Variants in CACNA2D3 observed in about 807,000 individuals in gnomAD.
The protein encoded by CACNA2D3 is calcium voltage-gated channel auxiliary subunit alpha2delta 3.
In CACNA2D3, 60 loss-of-function variants were observed where a neutral mutation model predicts 160.6. The ratio of observed to expected loss-of-function variants is 0.37; its 90% CI spans 0.30 to 0.46. The LOEUF (loss-of-function observed/expected upper bound fraction) is 0.46. CACNA2D3 is among the 20% of genes least tolerant of loss of function. The pLI is 1.00. For missense variants in CACNA2D3, 1,205 were observed against 1,365.0 expected (o/e 0.88, Z 1.85); for synonymous variants, 558 against 492.9 (o/e 1.13, Z -1.75).
intron 4 of CACNA2D3, among the ~76,000 whole-genome samples, chr3:54,459,000 C>T (rs1020525869): frequency 1.3e-5 from 2 of 152,128 alleles, no homozygotes; most frequent in East Asian, 1.9e-4. Flanking sequence ...TCAATTCCCA[C>T]CTATGAGTGA....
chr3:55,028,304 T>C (rs989923004), intron 35 of CACNA2D3, among the ~76,000 whole-genome samples: 1 of 152,074 alleles, frequency 6.6e-6, no homozygotes, highest in Non-Finnish European at 1.5e-5. Flanking sequence ...AAATATAGGG[T>C]TTATTAAGAA....
At chr3:54,788,461 C>A (rs1044311011) in intron 13 of CACNA2D3, among the ~76,000 whole-genome samples, 5 of 152,166 alleles carry the variant, frequency 3.3e-5, no homozygotes, top group South Asian at 2.1e-4. Context: ...TTACCTTCCT[C>A]TTAGTATCCA....
At chr3:54,428,104 C>A (rs1227679293) in intron 4 of CACNA2D3, among the ~76,000 whole-genome samples, 2 of 152,170 alleles carry the variant, frequency 1.3e-5, no homozygotes, top group Non-Finnish European at 2.9e-5. Context: ...ATAGCATTGG[C>A]CATAGTCACG....
intron 13 of CACNA2D3, among the ~76,000 whole-genome samples, chr3:54,806,882 C>G (rs1448663886): frequency 6.6e-6 from 1 of 152,050 alleles, no homozygotes; most frequent in Admixed American, 6.6e-5. Context: ...CAGAACAGAG[C>G]CCTCAGAAAT....
At chr3:54,469,956 T>G (rs1441537627) in intron 4 of CACNA2D3, among the ~76,000 whole-genome samples, 3 of 152,214 alleles carry the variant, frequency 2.0e-5, no homozygotes, top group African/African-American at 7.2e-5. Flanking sequence ...TACTTTTGAC[T>G]GATGTACCTG....
intron 11 of CACNA2D3, among the ~76,000 whole-genome samples, chr3:54,728,656 T>G (rs1014195287): frequency 1.3e-5 from 2 of 152,228 alleles, no homozygotes. Flanking sequence ...TGTTCTTATC[T>G]TCCTCTTAGA....
intron 11 of CACNA2D3, among the ~76,000 whole-genome samples, chr3:54,739,183 GC>G (rs1701590646): frequency 6.6e-6 from 1 of 151,834 alleles, no homozygotes; most frequent in Admixed American, 6.6e-5. Context: ...ACTTGGGGAG[GC>G]CGAGGTGAGT....
intron 14 of CACNA2D3, among the ~76,000 whole-genome samples, chr3:54,822,765 T>TC (rs1491262520): frequency 1.1e-5 from 1 of 87,780 alleles, no homozygotes; most frequent in African/African-American, 4.7e-5. Context: ...TTTCTTTCTT[T>TC]CTTTCTTTCT....
At chr3:54,541,137 C>T (rs557899245) in intron 5 of CACNA2D3, among the ~76,000 whole-genome samples, 23 of 151,672 alleles carry the variant, frequency 1.5e-4, no homozygotes, top group Admixed American at 5.2e-4. Flanking sequence ...ATTAGCCGGG[C>T]GTGGTGGCGG....
chr3:54,963,598 G>A (rs1702081411), intron 27 of CACNA2D3, among the ~76,000 whole-genome samples: 1 of 152,192 alleles, frequency 6.6e-6, no homozygotes, highest in Non-Finnish European at 1.5e-5. Context: ...TTCAAGGTCA[G>A]CTGCCTGTCC....
chr3:54,605,329 C>A (rs1427775), intron 9 of CACNA2D3, among the ~76,000 whole-genome samples: 1,979 of 152,258 alleles, frequency 0.013, 42 homozygotes, highest in African/African-American at 0.045. Context: ...AACCCACATG[C>A]CTAATGATGG....
intron 2 of CACNA2D3, among the ~76,000 whole-genome samples, chr3:54,194,305 C>G (rs1174159086): frequency 6.6e-6 from 1 of 152,088 alleles, no homozygotes; most frequent in Non-Finnish European, 1.5e-5. Flanking sequence ...CTTACACATT[C>G]TATGCATGGA....
intron 2 of CACNA2D3, among the ~76,000 whole-genome samples, chr3:54,127,107 T>G (rs964649977): frequency 6.6e-6 from 1 of 152,234 alleles, no homozygotes; most frequent in African/African-American, 2.4e-5. Flanking sequence ...GCTGGGTTTT[T>G]CATTCTATTT....
intron 3 of CACNA2D3, among the ~76,000 whole-genome samples, chr3:54,323,303 T>C (rs964479324): frequency 4.6e-5 from 7 of 152,176 alleles, no homozygotes; most frequent in African/African-American, 1.7e-4. Context: ...AGCAAAGACC[T>C]CAGGTTCAAA....
chr3:54,864,971 G>T (rs9847961), intron 17 of CACNA2D3, among the ~76,000 whole-genome samples: 15,256 of 152,178 alleles, frequency 0.1, 2,512 homozygotes, highest in African/African-American at 0.35. Context: ...AACGAGACAC[G>T]TACCGCTGTT....
chr3:54,648,990 T>C (rs1699706093), intron 11 of CACNA2D3, among the ~76,000 whole-genome samples: 1 of 152,176 alleles, frequency 6.6e-6, no homozygotes, highest in East Asian at 1.9e-4. Flanking sequence ...CGTCCAACAT[T>C]GGTGGTCAAA....
intron 2 of CACNA2D3, among the ~76,000 whole-genome samples, chr3:54,279,420 T>A (rs1288283507): frequency 6.6e-6 from 1 of 152,196 alleles, no homozygotes; most frequent in East Asian, 1.9e-4. Flanking sequence ...CCCCAGGGAC[T>A]GAGGATTTAT....
intron 35 of CACNA2D3, among the ~76,000 whole-genome samples, chr3:55,051,905 A>G (rs879320001): frequency 4.6e-5 from 7 of 152,188 alleles, no homozygotes; most frequent in Non-Finnish European, 7.3e-5. Context: ...TGAGTCAGAA[A>G]GGGAACTCCC....
At chr3:55,013,175 A>G (rs1261776537) in intron 34 of CACNA2D3, among the ~76,000 whole-genome samples, 1 of 152,134 alleles carries the variant, frequency 6.6e-6, no homozygotes, top group East Asian at 1.9e-4. Flanking sequence ...GCTGGCACAT[A>G]GATTATCTTC....
Sources: allele counts gnomAD v4.1 joint callset (sites outside exome capture counted in the v4.1 genomes callset), GRCh38; gene constraint gnomAD v4.1.1; transcripts MANE v1.5; gene names NCBI Gene and HGNC (gene_info 2026-07-23, HGNC 2026-07-21).